The following KCNIP4 variants were observed in gnomAD, a reference collection of about 807,000 sequenced individuals.
The protein encoded by KCNIP4 is Kv channel-interacting protein 4.
Under a neutral mutation model 34.0 loss-of-function variants are expected in KCNIP4, and 12 were observed. The ratio of observed to expected loss-of-function variants is 0.35; its 90% CI spans 0.23 to 0.57. KCNIP4 has a LOEUF of 0.57. Ranked by LOEUF, KCNIP4 falls within the 20% of genes least tolerant of loss-of-function variation. The pLI, the probability that KCNIP4 is intolerant of heterozygous loss-of-function variation, is 0.83. For synonymous variants in KCNIP4, 124 were observed against 102.2 expected, an observed-to-expected ratio of 1.21 and a Z score of -1.29; for missense variants, 238 against 311.7, an observed-to-expected ratio of 0.76 and a Z score of 1.78.
At chr4:21,107,664 C>A (rs536030332) in intron 1 of KCNIP4, among the ~76,000 whole-genome samples, 7 of 151,194 alleles carry the variant, frequency 4.6e-5, no homozygotes, top group Non-Finnish European at 7.4e-5. Flanking sequence ...GGTTATTTTG[C>A]TCATTAGTTG....
At chr4:21,775,376 G>A (rs1719105872) in intron 1 of KCNIP4, among the ~76,000 whole-genome samples, 1 of 152,146 alleles carries the variant, frequency 6.6e-6, no homozygotes, top group African/African-American at 2.4e-5. Flanking sequence ...CCACCAACCT[G>A]ATGCCAGCAG....
At chr4:21,804,001 T>C (rs1220468936) in intron 1 of KCNIP4, among the ~76,000 whole-genome samples, 5 of 152,074 alleles carry the variant, frequency 3.3e-5, no homozygotes, top group Admixed American at 2.6e-4. Context: ...CGTGGAACCA[T>C]GAAGGAAAGG....
chr4:21,725,959 A>G (rs4101628), intron 1 of KCNIP4, among the ~76,000 whole-genome samples: 13,624 of 152,216 alleles, frequency 0.09, 2,057 homozygotes, highest in African/African-American at 0.31. Context: ...AAGGAAATCT[A>G]TCACTGATGT....
At chr4:20,825,405 T>C (rs373692549) in intron 3 of KCNIP4, among the ~76,000 whole-genome samples, 46 of 151,930 alleles carry the variant, frequency 3.0e-4, no homozygotes, top group African/African-American at 8.4e-4. Flanking sequence ...ACTGAGAAAG[T>C]GGTAGAAAAA....
At chr4:21,388,440 T>C (rs1560356179) in intron 1 of KCNIP4, among the ~76,000 whole-genome samples, 1 of 152,166 alleles carries the variant, frequency 6.6e-6, no homozygotes, top group East Asian at 1.9e-4. Flanking sequence ...TCACTTTTCA[T>C]GTTTTAAGTA....
chr4:21,779,526 CA>C (rs774132303), intron 1 of KCNIP4, among the ~76,000 whole-genome samples: 44 of 152,252 alleles, frequency 2.9e-4, no homozygotes, highest in African/African-American at 1.0e-3. Context: ...CAAAATGTCA[CA>C]TTGTACACCA....
intron 1 of KCNIP4, among the ~76,000 whole-genome samples, chr4:21,513,870 G>T (rs1734541297): frequency 6.6e-6 from 1 of 152,170 alleles, no homozygotes; most frequent in African/African-American, 2.4e-5. Context: ...TGGGTCTATG[G>T]ATCTGTACGA....
intron 1 of KCNIP4, among the ~76,000 whole-genome samples, chr4:21,196,463 A>G (rs1035315983): frequency 6.6e-6 from 1 of 152,292 alleles, no homozygotes; most frequent in African/African-American, 2.4e-5. Flanking sequence ...AGGGATTTTT[A>G]TCATTTACTT....
chr4:21,273,240 A>G (rs1328685045), intron 1 of KCNIP4, among the ~76,000 whole-genome samples: 1 of 151,974 alleles, frequency 6.6e-6, no homozygotes, highest in Non-Finnish European at 1.5e-5. Flanking sequence ...CTGCCCCACT[A>G]CACCCCCATT....
At chr4:21,303,265 C>T (rs1711955666) in intron 1 of KCNIP4, among the ~76,000 whole-genome samples, 1 of 152,180 alleles carries the variant, frequency 6.6e-6, no homozygotes. Flanking sequence ...GTCTTTTCCC[C>T]TTAGAATCTC....
intron 1 of KCNIP4, among the ~76,000 whole-genome samples, chr4:21,820,808 G>C (rs533774238): frequency 1.6e-4 from 24 of 152,118 alleles, no homozygotes; most frequent in Middle Eastern, 3.4e-3. Flanking sequence ...CATGCTCATA[G>C]GGCTGTTCAT....
At chr4:21,303,761 T>C (rs769846400) in intron 1 of KCNIP4, 2 of 1,492,204 alleles carry the variant, frequency 1.3e-6, no homozygotes, top group South Asian at 1.1e-5. Context: ...ACATTTTCAT[T>C]GCAAAACAGA....
chr4:20,767,291 A>C (rs1413458351), intron 3 of KCNIP4: 1 of 152,182 alleles, frequency 6.6e-6, no homozygotes, highest in African/African-American at 2.4e-5. Flanking sequence ...ATTTACCCTA[A>C]AAGAAAGGAA....
chr4:21,847,319 C>T (rs1422104099), intron 1 of KCNIP4: 1 of 152,036 alleles, frequency 6.6e-6, no homozygotes, highest in Admixed American at 6.6e-5. Flanking sequence ...ACCAGACTAG[C>T]CCAGTAATTA....
intron 1 of KCNIP4, among the ~76,000 whole-genome samples, chr4:21,840,286 A>G (rs1323082304): frequency 7.9e-5 from 12 of 151,952 alleles, no homozygotes; most frequent in Non-Finnish European, 1.6e-4. Context: ...GAACCTATAC[A>G]TTCTACCACA....
intron 1 of KCNIP4, among the ~76,000 whole-genome samples, chr4:21,498,198 A>C (rs77004636): frequency 0.062 from 9,381 of 152,270 alleles, 353 homozygotes; most frequent in Admixed American, 0.07. Flanking sequence ...AGCATATAGA[A>C]AACTAATACG....
In KCNIP4 at chr4:21,234,451, TTAC is replaced by T. The variant is rs1560199508; in HGVS notation, c.62-351745_62-351743del. ...TTACATATAACGTATATAATATATATTACATATAACGTATATAATATATAGTAC... is the reference window on the plus strand; with the variant it reads ...TTACATATAACGTATATAATATATATATATAACGTATATAATATATAGTAC... On this transcript the variant is annotated intron_variant, in intron 1 of 8. Transcript: ENST00000382152. 5.3e-4 allele frequency among the ~76,000 whole-genome samples: 55 copies of T among 103,942 alleles called. 12 individuals are homozygous for T. The highest frequency in any genetic ancestry group is 4.5e-3 in the Middle Eastern group (1 of 222). The allele number at this position is 103,942 out of a possible 152,430, so 68.2% of individuals were successfully genotyped here.
At chr4:20,763,858 A>G (rs1239450686) in intron 3 of KCNIP4, among the ~76,000 whole-genome samples, 1 of 152,120 alleles carries the variant, frequency 6.6e-6, no homozygotes, top group Non-Finnish European at 1.5e-5. Context: ...CCTCCCACTG[A>G]TGTTGTAACA....
intron 1 of KCNIP4, among the ~76,000 whole-genome samples, chr4:21,212,944 A>T (rs1757324862): frequency 6.6e-6 from 1 of 152,220 alleles, no homozygotes; most frequent in Non-Finnish European, 1.5e-5. Context: ...TATACAGTAT[A>T]CATGGGGTAT....
Sources: allele counts gnomAD v4.1 joint callset (sites outside exome capture counted in the v4.1 genomes callset), GRCh38; gene constraint gnomAD v4.1.1; transcripts MANE v1.5; gene names NCBI Gene and HGNC (gene_info 2026-07-23, HGNC 2026-07-21).